Variants in ZMIZ1 observed in about 807,000 individuals in gnomAD.
ZMIZ1 encodes the protein zinc finger MIZ domain-containing protein 1.
ZMIZ1 carries 17 observed loss-of-function variants against 113.9 expected under a neutral mutation model. That is an observed-to-expected ratio of 0.15 (90% CI 0.10 to 0.22). The LOEUF is 0.22. Ranked by LOEUF, ZMIZ1 falls within the 10% of genes least tolerant of loss-of-function variation. ZMIZ1 has a pLI of 1.00. For missense variants in ZMIZ1, 1,059 were observed against 1,477.8 expected, an observed-to-expected ratio of 0.72 and a Z score of 4.65; for synonymous variants, 607 against 603.1, an observed-to-expected ratio of 1.01 and a Z score of -0.09.
chr10:79,173,992 G>A (rs1388251871), intron 4 of ZMIZ1, among the ~76,000 whole-genome samples: 2 of 152,206 alleles, frequency 1.3e-5, no homozygotes, highest in Non-Finnish European at 2.9e-5. Context: ...ATTTGTTTCC[G>A]ATGGAGCTGG....
intron 2 of ZMIZ1, among the ~76,000 whole-genome samples, chr10:79,138,856 A>G (rs192014189): frequency 2.3e-4 from 35 of 152,338 alleles, no homozygotes; most frequent in African/African-American, 8.2e-4. Context: ...CAAGGGCATG[A>G]TTGCTTTGGA....
chr10:79,213,769 C>T (rs1848614799), intron 6 of ZMIZ1, among the ~76,000 whole-genome samples: 2 of 152,226 alleles, frequency 1.3e-5, no homozygotes, highest in African/African-American at 4.8e-5. Flanking sequence ...TTCAGCTAGA[C>T]TGCCTGGATC....
chr10:79,296,326 G>A lies in ZMIZ1; in HGVS notation c.1231-145G>A. The A allele has an allele frequency of 2.2e-6, 2 of 923,350 alleles. No homozygotes were observed. The highest frequency in any genetic ancestry group is 3.4e-6 in the Non-Finnish European group (2 of 581,838). The allele number at this position is 923,350 out of a possible 1,614,324, so 57.2% of individuals were successfully genotyped here. ...CCCCTGGATGTCAGGACGAGAAGGGGCCCAAAGCATTATCTGGTTTTGTGG... is the reference window on the plus strand; with the variant it reads ...CCCCTGGATGTCAGGACGAGAAGGGACCCAAAGCATTATCTGGTTTTGTGG... On this transcript the variant is annotated intron_variant, in intron 12 of 24. Coordinates refer to ENST00000334512, the MANE Select transcript of ZMIZ1 (RefSeq NM_020338.4). This position sits in a 1 kb window ranked among gnomAD's most constrained non-coding sequence, Gnocchi z 4.1.
At chr10:79,084,160 C>T (rs116679194) in intron 1 of ZMIZ1, among the ~76,000 whole-genome samples, 6 of 152,340 alleles carry the variant, frequency 3.9e-5, no homozygotes, top group Non-Finnish European at 7.3e-5. Context: ...GAACTCCTAC[C>T]CATCCTTAAG....
intron 22 of ZMIZ1, 115 bp from the exon 23 acceptor site, chr10:79,307,290 C>A: frequency 9.2e-7 from 1 of 1,084,482 alleles, no homozygotes; most frequent in Non-Finnish European, 1.4e-6. Context: ...TGACCTACTA[C>A]AGCCTCGCAA....
intron 7 of ZMIZ1, among the ~76,000 whole-genome samples, chr10:79,221,223 C>A (rs1848953671): frequency 6.6e-6 from 1 of 152,138 alleles, no homozygotes; most frequent in Admixed American, 6.5e-5. Context: ...TGGCGGTGAG[C>A]CGGCCGTGGT....
intron 1 of ZMIZ1, among the ~76,000 whole-genome samples, chr10:79,094,181 G>A (rs142574076): frequency 2.6e-5 from 4 of 152,296 alleles, no homozygotes; most frequent in Admixed American, 6.5e-5. Context: ...CCCTTCCTCC[G>A]ACCTGGCTTC....
intron 17 of ZMIZ1, among the ~76,000 whole-genome samples, chr10:79,301,470 T>C (rs1854296928): frequency 6.6e-6 from 1 of 152,020 alleles, no homozygotes; most frequent in Non-Finnish European, 1.5e-5. Context: ...GCCACCCTCA[T>C]GTCCCCTGAA....
intron 7 of ZMIZ1, among the ~76,000 whole-genome samples, chr10:79,225,127 T>C (rs1225256253): frequency 6.6e-6 from 1 of 152,144 alleles, no homozygotes; most frequent in Non-Finnish European, 1.5e-5. Context: ...AGAGTCCCAG[T>C]GCATGCAGTA....
intron 4 of ZMIZ1, among the ~76,000 whole-genome samples, chr10:79,200,928 C>A (rs185168593): frequency 6.6e-6 from 1 of 152,314 alleles, no homozygotes; most frequent in Non-Finnish European, 1.5e-5. Context: ...CACGTACACA[C>A]ACACACGTGG....
At chr10:79,173,971 G>A (rs562831059) in intron 4 of ZMIZ1, among the ~76,000 whole-genome samples, 15 of 152,296 alleles carry the variant, frequency 9.8e-5, no homozygotes, top group South Asian at 8.3e-4. Context: ...CTTCTTGGAG[G>A]GCATGTCAGA....
intron 3 of ZMIZ1, among the ~76,000 whole-genome samples, chr10:79,145,779 T>A (rs1017594095): frequency 6.6e-6 from 1 of 152,180 alleles, no homozygotes; most frequent in Non-Finnish European, 1.5e-5. Flanking sequence ...GTGCAGTGGC[T>A]CACTGCAGCC....
chr10:79,307,402 T>C lies in ZMIZ1; in HGVS notation c.2669-3T>C. 6.2e-7 allele frequency: 1 copy of C among 1,610,846 alleles called. No homozygotes were observed. Among genetic ancestry groups the C allele is most frequent in the Non-Finnish European group, 8.5e-7 (1 of 1,178,490 alleles). ...CTCCCCTCCCCATCTCATCCCTTCC[T>C]AGGCAACAACTACCAAGGCCATGGC... On this transcript the variant is annotated splice_polypyrimidine_tract_variant and splice_region_variant and intron_variant, in intron 22 of 24. Transcript: ENST00000334512.
At chr10:79,217,284 G>T (rs1395555162) in intron 7 of ZMIZ1, among the ~76,000 whole-genome samples, 1 of 152,190 alleles carries the variant, frequency 6.6e-6, no homozygotes, top group South Asian at 2.1e-4. Flanking sequence ...AATTAGCCGG[G>T]TGTGGTGGCG....
rs549123502 is a variant in ZMIZ1 at position 79,207,344 on chromosome 10, A to T, written c.61-992A>T. 3.9e-5 allele frequency among the ~76,000 whole-genome samples: 6 copies of T among 152,354 alleles called. No individual in the cohort carries two copies. The South Asian group carries it at 1.2e-3, about 32-fold the overall frequency. On this transcript the variant is annotated intron_variant, in intron 5 of 24. Coordinates refer to ENST00000334512, the MANE Select transcript of ZMIZ1 (RefSeq NM_020338.4). ...CCTTCAGGAGGACACAGTCAGTTAC[A>T]GCCAAATTGGGCCAGAGCCCCATCC... is the stretch of plus-strand genomic sequence containing the variant.
Position 79,201,437 on chromosome 10 carries a change from C to T in ZMIZ1, c.-49-147C>T, listed in dbSNP as rs1441805745. 6.3e-6 allele frequency: 4 copies of T among 637,116 alleles called. No homozygotes were observed. The African/African-American group carries it at 7.3e-5, about 12-fold the overall frequency. 39.5% of individuals were successfully genotyped at this position (637,116 alleles called of 1,614,324 possible). A position where few individuals can be genotyped will look rare whatever the true frequency, so the allele number is the denominator to read the frequency against. ...CCCAGAAGCATTTCCTGCCCTCAGC[C>T]CAGTGGGGTACCCCAGGTGCAGCCC... On this transcript the variant is annotated intron_variant, in intron 4 of 24. Transcript: ENST00000334512.
chr10:79,189,822 C>T (rs1847522318), intron 4 of ZMIZ1, among the ~76,000 whole-genome samples: 1 of 152,212 alleles, frequency 6.6e-6, no homozygotes, highest in South Asian at 2.1e-4. Flanking sequence ...AGCGTGTTTT[C>T]GGATTGCCTG....
intron 7 of ZMIZ1, among the ~76,000 whole-genome samples, chr10:79,239,774 C>A (rs1849733171): frequency 6.6e-6 from 1 of 152,108 alleles, no homozygotes; most frequent in African/African-American, 2.4e-5. Context: ...TGGCTTGATT[C>A]TTTTTACTGG....
At chr10:79,097,574 C>T (rs1409177189) in intron 1 of ZMIZ1, among the ~76,000 whole-genome samples, 2 of 152,178 alleles carry the variant, frequency 1.3e-5, no homozygotes, top group African/African-American at 4.8e-5. Context: ...ACTGTTTCCC[C>T]AGTAATTCTA....
Sources: gnomAD v4.1 joint callset for allele counts (sites outside exome capture counted in the v4.1 genomes callset) on GRCh38, gnomAD v4.1.1 for gene constraint, Gnocchi (gnomAD v3.1) non-coding constraint, MANE v1.5 for transcripts, NCBI Gene and HGNC (gene_info 2026-07-23, HGNC 2026-07-21) for gene names.